Variants in ARHGAP25 observed in about 807,000 individuals in gnomAD.
The protein encoded by ARHGAP25 is Rho GTPase activating protein 25, also known as rho GTPase-activating protein 25.
A neutral mutation model predicts 71.0 loss-of-function variants in ARHGAP25; 34 were observed. That is an observed-to-expected ratio of 0.48 (90% confidence interval 0.36 to 0.64). The LOEUF is 0.64. Among genes scored for constraint, ARHGAP25 ranks in the 30% least tolerant of loss-of-function variants. ARHGAP25 has a pLI of 0.00. For missense variants in ARHGAP25, 706 were observed against 805.1 expected (o/e 0.88, Z 1.49); for synonymous variants, 282 against 296.5 (o/e 0.95, Z 0.50).
At chr2:68,780,753 G>C (rs944265574) in intron 2 of ARHGAP25, among the ~76,000 whole-genome samples, 1 of 151,278 alleles carries the variant, frequency 6.6e-6, no homozygotes, top group Non-Finnish European at 1.5e-5. Flanking sequence ...TTTATTTCTA[G>C]ATCCTCAAGA....
chr2:68,775,829 A>G (rs1677856117), intron 2 of ARHGAP25: 3 of 377,958 alleles, frequency 7.9e-6, no homozygotes, highest in Admixed American at 3.4e-5. Context: ...TACTTGAAAT[A>G]AACTATGAGC....
intron 1 of ARHGAP25, among the ~76,000 whole-genome samples, chr2:68,752,999 G>C (rs1419180262): frequency 6.6e-6 from 1 of 152,062 alleles, no homozygotes; most frequent in Non-Finnish European, 1.5e-5. Flanking sequence ...ACTTTACCCA[G>C]TTGATGACAG....
chr2:68,801,109 T>TAA (rs138417826), intron 4 of ARHGAP25, among the ~76,000 whole-genome samples: 16 of 150,718 alleles, frequency 1.1e-4, no homozygotes, highest in African/African-American at 2.0e-4. Context: ...TTAGCCAAGC[T>TAA]AAAAAAAAAC....
intron 4 of ARHGAP25, among the ~76,000 whole-genome samples, chr2:68,799,083 T>G (rs1679776093): frequency 6.6e-6 from 1 of 152,176 alleles, no homozygotes; most frequent in African/African-American, 2.4e-5. Context: ...GATGGTGGGT[T>G]GGACACGGGT....
At chr2:68,757,668 T>C (rs1411741417) in intron 1 of ARHGAP25, 1 of 152,064 alleles carries the variant, frequency 6.6e-6, no homozygotes. Flanking sequence ...TCCTGCAGGT[T>C]GATATAAAAG....
chr2:68,760,545 C>T (rs575208098), intron 1 of ARHGAP25, among the ~76,000 whole-genome samples: 77 of 152,016 alleles, frequency 5.1e-4, no homozygotes, highest in Admixed American at 2.6e-4. Context: ...TAACAGTGAT[C>T]AATCTGAAAA....
chr2:68,790,231 T>C (rs945849801), intron 4 of ARHGAP25, among the ~76,000 whole-genome samples: 1 of 152,158 alleles, frequency 6.6e-6, no homozygotes, highest in Non-Finnish European at 1.5e-5. Context: ...CCTTAGGTGA[T>C]CCACCACCTC....
intron 2 of ARHGAP25, among the ~76,000 whole-genome samples, chr2:68,715,354 T>TTGAGA (rs1458870391): frequency 1.3e-5 from 2 of 152,068 alleles, no homozygotes; most frequent in African/African-American, 2.4e-5. Context: ...CTGCTCAAGT[T>TTGAGA]TGAGAAGCCC....
chr2:68,809,253 G>A (rs901823417), intron 5 of ARHGAP25, among the ~76,000 whole-genome samples: 1 of 151,996 alleles, frequency 6.6e-6, no homozygotes. Context: ...ATTCCATGGT[G>A]TGTTTTGGTG....
intron 4 of ARHGAP25, among the ~76,000 whole-genome samples, chr2:68,788,957 C>T (rs373429931): frequency 5.3e-5 from 8 of 151,968 alleles, no homozygotes; most frequent in African/African-American, 1.9e-4. Flanking sequence ...TTATGTTTAT[C>T]TTTCATCTAC....
rs1250326630 is a variant in ARHGAP25, at chr2:68,743,098, C to T, written c.61+7838C>T. 2.0e-5 allele frequency among the ~76,000 whole-genome samples: 3 copies of T among 152,202 alleles called. No individual in the cohort carries two copies. In the East Asian group the frequency reaches 5.8e-4, roughly 29 times the overall value. ...ATTCCTGCTGTAGAAATGTCATTGT[C>T]TCTGTGCTATGACAGGAGCAGTTCC... On this transcript the variant is annotated intron_variant, in intron 1 of 10. Coordinates refer to ENST00000409202, the MANE Select transcript of ARHGAP25 (RefSeq NM_001007231.3).
At chr2:68,801,251 T>C (rs1679941363) in intron 4 of ARHGAP25, among the ~76,000 whole-genome samples, 1 of 152,154 alleles carries the variant, frequency 6.6e-6, no homozygotes, top group Admixed American at 6.6e-5. Context: ...TTCAAAGTCT[T>C]CATCATATGG....
At chr2:68,738,773 A>C (rs1675353755) in intron 1 of ARHGAP25, among the ~76,000 whole-genome samples, 1 of 151,022 alleles carries the variant, frequency 6.6e-6, no homozygotes, top group Admixed American at 6.6e-5. Flanking sequence ...GTGAGCCACG[A>C]TCATGCCACT....
chr2:68,801,733 A>T (rs1679980725), intron 4 of ARHGAP25, among the ~76,000 whole-genome samples: 1 of 152,128 alleles, frequency 6.6e-6, no homozygotes, highest in Non-Finnish European at 1.5e-5. Flanking sequence ...GAAGAGAGGG[A>T]TGTTTAAGTG....
chr2:68,714,367 TTC>T (rs1259816486), intron 2 of ARHGAP25, among the ~76,000 whole-genome samples: 2 of 152,208 alleles, frequency 1.3e-5, no homozygotes, highest in Non-Finnish European at 1.5e-5. Context: ...TATTTGATTT[TTC>T]TCTCTTTTCT....
intron 1 of ARHGAP25, among the ~76,000 whole-genome samples, chr2:68,753,836 T>C (rs1676322934): frequency 6.6e-6 from 1 of 152,124 alleles, no homozygotes; most frequent in East Asian, 1.9e-4. Context: ...GTCAGCTCTG[T>C]GTAACAAATG....
At chr2:68,721,438 T>C (rs1674758516) in intron 2 of ARHGAP25, among the ~76,000 whole-genome samples, 1 of 152,312 alleles carries the variant, frequency 6.6e-6, no homozygotes, top group South Asian at 2.1e-4. Flanking sequence ...CTCTGCCCTA[T>C]TTACATACAA....
At chr2:68,751,508 C>T (rs1676175405) in intron 1 of ARHGAP25, among the ~76,000 whole-genome samples, 3 of 152,226 alleles carry the variant, frequency 2.0e-5, no homozygotes, top group Admixed American at 2.0e-4. Context: ...ATTCGCACAC[C>T]TGCCATTGCC....
chr2:68,743,056 G>A (rs1200389222), intron 1 of ARHGAP25, among the ~76,000 whole-genome samples: 1 of 152,220 alleles, frequency 6.6e-6, no homozygotes, highest in Non-Finnish European at 1.5e-5. Flanking sequence ...GATAGCTTCT[G>A]GTAAGTTTCC....
Sources: gnomAD v4.1 joint callset for allele counts (sites outside exome capture counted in the v4.1 genomes callset) on GRCh38, gnomAD v4.1.1 for gene constraint, MANE v1.5 for transcripts, NCBI Gene and HGNC (gene_info 2026-07-23, HGNC 2026-07-21) for gene names.